The following CACNA2D1 variants were observed in gnomAD, a reference collection of about 807,000 sequenced individuals.
CACNA2D1 encodes the protein voltage-dependent calcium channel subunit alpha-2/delta-1.
A neutral mutation model predicts 171.5 loss-of-function variants in CACNA2D1; 53 were observed. The observed-to-expected ratio is 0.31, with a 90% CI of 0.25 to 0.39. The LOEUF (loss-of-function observed/expected upper bound fraction) is 0.39. Among genes scored for constraint, CACNA2D1 ranks in the 10% least tolerant of loss-of-function variants. The pLI is 1.00. For synonymous variants in CACNA2D1, 442 were observed against 443.1 expected, an observed-to-expected ratio of 1.00 and a Z score of 0.03; for missense variants, 903 against 1,299.8, an observed-to-expected ratio of 0.69 and a Z score of 4.69.
chr7:82,017,610 G>GT (rs56933598), intron 12 of CACNA2D1, among the ~76,000 whole-genome samples: 32,538 of 148,646 alleles, frequency 0.22, 4,306 homozygotes, highest in African/African-American at 0.38. Flanking sequence ...TTCTTCAGAT[G>GT]TTTTTTTTTT....
At chr7:82,344,461 G>A (rs1417475485) in intron 2 of CACNA2D1, among the ~76,000 whole-genome samples, 2 of 152,272 alleles carry the variant, frequency 1.3e-5, no homozygotes, top group East Asian at 3.9e-4. Context: ...AAGAGAATGG[G>A]AAGGTAAAAG....
At chr7:82,007,445 C>G (rs1799243109) in intron 16 of CACNA2D1, among the ~76,000 whole-genome samples, 1 of 152,088 alleles carries the variant, frequency 6.6e-6, no homozygotes, top group African/African-American at 2.4e-5. Flanking sequence ...GTGTTCTCAT[C>G]AGGTCATAGT....
chr7:82,219,172 T>C (rs1349859946), intron 3 of CACNA2D1, among the ~76,000 whole-genome samples: 1 of 152,154 alleles, frequency 6.6e-6, no homozygotes, highest in Non-Finnish European at 1.5e-5. Context: ...GTCTTTGGGA[T>C]TGCAATGCCT....
At chr7:82,062,909 T>G (rs1440244806) in intron 9 of CACNA2D1, among the ~76,000 whole-genome samples, 1 of 151,806 alleles carries the variant, frequency 6.6e-6, no homozygotes, top group Admixed American at 6.6e-5. Context: ...GCCCAGCTGG[T>G]TTTTCTTTTG....
At chr7:81,968,384 T>C (rs918330837) in intron 29 of CACNA2D1, among the ~76,000 whole-genome samples, 5 of 151,454 alleles carry the variant, frequency 3.3e-5, no homozygotes, top group African/African-American at 1.2e-4. Context: ...CAAAAAGTCA[T>C]TTTTCTATAT....
At chr7:81,987,584 A>G (rs1275722568) in intron 21 of CACNA2D1, among the ~76,000 whole-genome samples, 1 of 152,252 alleles carries the variant, frequency 6.6e-6, no homozygotes, top group African/African-American at 2.4e-5. Flanking sequence ...TCACCAGATG[A>G]AAATTTTGTA....
intron 18 of CACNA2D1, among the ~76,000 whole-genome samples, chr7:82,003,136 G>C (rs1234277169): frequency 6.6e-6 from 1 of 151,968 alleles, no homozygotes; most frequent in African/African-American, 2.4e-5. Flanking sequence ...CCACTAAATG[G>C]AATCATAAAT....
intron 4 of CACNA2D1, among the ~76,000 whole-genome samples, chr7:82,162,504 G>A (rs3801728): frequency 0.2 from 30,562 of 151,780 alleles, 3,679 homozygotes; most frequent in Middle Eastern, 0.29. Flanking sequence ...GGGGAGAGCT[G>A]GTCATTCCTT....
At chr7:82,155,635 C>T (rs1416986048) in intron 4 of CACNA2D1, among the ~76,000 whole-genome samples, 1 of 152,132 alleles carries the variant, frequency 6.6e-6, no homozygotes, top group African/African-American at 2.4e-5. Context: ...TTGCTATTAG[C>T]AAACAGAAAA....
At chr7:82,005,234 A>G in intron 18 of CACNA2D1, 189 bp downstream of exon 18, 1 of 552,332 alleles carries the variant, frequency 1.8e-6, no homozygotes, top group South Asian at 2.5e-5. Context: ...GGTAACAGAA[A>G]ATGAAAACTG....
chr7:82,303,152 C>G (rs577259771), intron 3 of CACNA2D1, among the ~76,000 whole-genome samples: 1 of 152,206 alleles, frequency 6.6e-6, no homozygotes, highest in Admixed American at 6.5e-5. Flanking sequence ...CGCCACCATG[C>G]CCAGCTAATT....
chr7:82,004,950 T>C (rs1798977427), intron 18 of CACNA2D1, among the ~76,000 whole-genome samples: 2 of 152,118 alleles, frequency 1.3e-5, no homozygotes, highest in African/African-American at 4.8e-5. Context: ...ACTTATACAA[T>C]CTCTTACATC....
At chr7:82,372,967 T>C (rs4732447) in intron 1 of CACNA2D1, among the ~76,000 whole-genome samples, 94,777 of 151,852 alleles carry the variant, frequency 0.62, 30,147 homozygotes, top group Middle Eastern at 0.74. Flanking sequence ...GGCGGATCAC[T>C]GGACGTCAGG....
chr7:81,953,251 A>T (rs1400246845), intron 38 of CACNA2D1, among the ~76,000 whole-genome samples: 4 of 152,048 alleles, frequency 2.6e-5, no homozygotes. Flanking sequence ...ACGCTTCTCC[A>T]AAAAGCAGTC....
At chr7:82,437,705 G>T (rs1830210786) in intron 1 of CACNA2D1, among the ~76,000 whole-genome samples, 1 of 144,682 alleles carries the variant, frequency 6.9e-6, no homozygotes, top group Admixed American at 7.0e-5. Context: ...CAAACAAGTG[G>T]CAAAATATAA....
chr7:82,109,696 T>C (rs1788148062), intron 6 of CACNA2D1, among the ~76,000 whole-genome samples: 1 of 152,210 alleles, frequency 6.6e-6, no homozygotes, highest in African/African-American at 2.4e-5. Context: ...TTTGAGTTAG[T>C]GAGAAAAATT....
At chr7:82,310,602 A>G (rs1427014014) in intron 3 of CACNA2D1, among the ~76,000 whole-genome samples, 1 of 152,064 alleles carries the variant, frequency 6.6e-6, no homozygotes, top group East Asian at 1.9e-4. Context: ...TATACTATTA[A>G]TAAGAAATAA....
chr7:81,984,571 G>T (rs751201277), intron 22 of CACNA2D1, 64 bp downstream of exon 22: 1 of 879,646 alleles, frequency 1.1e-6, no homozygotes, highest in Non-Finnish European at 1.9e-6. Context: ...AAATCTAGAC[G>T]TATTTAAACA....
chr7:82,088,314 A>G (rs1383865212), intron 6 of CACNA2D1, among the ~76,000 whole-genome samples: 1 of 152,124 alleles, frequency 6.6e-6, no homozygotes, highest in Admixed American at 6.5e-5. Flanking sequence ...TCATTTTTTC[A>G]TAACAGGAAA....
Sources: allele counts gnomAD v4.1 joint callset (sites outside exome capture counted in the v4.1 genomes callset), GRCh38; gene constraint gnomAD v4.1.1; transcripts MANE v1.5; gene names NCBI Gene and HGNC (gene_info 2026-07-23, HGNC 2026-07-21).